The following SEMA5A variants were observed in gnomAD, a reference collection of about 807,000 sequenced individuals.
SEMA5A encodes the protein semaphorin 5A, also known as semaphorin-5A.
A neutral mutation model predicts 135.5 loss-of-function variants in SEMA5A; 55 were observed. The observed-to-expected ratio is 0.41, with a 90% confidence interval of 0.33 to 0.51. The LOEUF (loss-of-function observed/expected upper bound fraction) is 0.51, where lower values mean the gene tolerates loss of function less well. Among genes scored for constraint, SEMA5A ranks in the 20% least tolerant of loss-of-function variants. The pLI is 0.37. For missense variants in SEMA5A, 1,290 were observed against 1,419.9 expected (o/e 0.91, Z 1.47); for synonymous variants, 580 against 546.5 (o/e 1.06, Z -0.85).
chr5:9,358,719 TAA>T (rs898810694), intron 3 of SEMA5A, among the ~76,000 whole-genome samples: 1 of 152,194 alleles, frequency 6.6e-6, no homozygotes, highest in Non-Finnish European at 1.5e-5. Context: ...TGAATGAACA[TAA>T]GTCATTCAGT....
chr5:9,216,431 C>T (rs950224727), intron 8 of SEMA5A, among the ~76,000 whole-genome samples: 1 of 151,976 alleles, frequency 6.6e-6, no homozygotes, highest in Admixed American at 6.6e-5. Flanking sequence ...AAAGTATGTA[C>T]CATGTGACAA....
chr5:9,532,421 A>G (rs1009078714), intron 1 of SEMA5A, among the ~76,000 whole-genome samples: 7 of 149,330 alleles, frequency 4.7e-5, no homozygotes, highest in African/African-American at 1.7e-4. Flanking sequence ...GCCTGCCACC[A>G]TGCCCAGTTA....
At chr5:9,289,975 A>C (rs1260072338) in intron 5 of SEMA5A, among the ~76,000 whole-genome samples, 1 of 152,218 alleles carries the variant, frequency 6.6e-6, no homozygotes, top group Non-Finnish European at 1.5e-5. Context: ...TATTATAGTG[A>C]TTGTTGAGCA....
Position 9,054,269 on chromosome 5 carries a change from C to T in SEMA5A, c.2519-12G>A, listed in dbSNP as rs768487477. ...CCACACGCCATCCACTGTGAAGAAA[C>T]ACAATGTCACAGCTCTTCTATAATC... On this transcript the variant is annotated splice_polypyrimidine_tract_variant and intron_variant, in intron 18 of 22. Transcript: ENST00000382496. 1 of 1,608,818 alleles carries T rather than the reference C, an allele frequency of 6.2e-7. No individual in the cohort carries two copies. The highest frequency in any genetic ancestry group is 1.7e-5 in the Admixed American group (1 of 59,334).
intron 5 of SEMA5A, among the ~76,000 whole-genome samples, chr5:9,307,828 C>T (rs992476437): frequency 6.6e-6 from 1 of 152,130 alleles, no homozygotes; most frequent in Admixed American, 6.6e-5. Context: ...TTGTGATTGT[C>T]AGACAGTGTT....
chr5:9,240,845 T>A (rs988712354), intron 5 of SEMA5A, among the ~76,000 whole-genome samples: 1 of 152,162 alleles, frequency 6.6e-6, no homozygotes, highest in African/African-American at 2.4e-5. Context: ...ATTCAAAAGA[T>A]GTTTTTCCAC....
intron 11 of SEMA5A, among the ~76,000 whole-genome samples, 154 bp downstream of exon 11, chr5:9,190,113 T>C (rs1745016187): frequency 6.6e-6 from 1 of 152,190 alleles, no homozygotes; most frequent in Non-Finnish European, 1.5e-5. Context: ...GGACAGAGGC[T>C]GAGGAAGATA....
chr5:9,323,377 C>A (rs371044242), intron 4 of SEMA5A, among the ~76,000 whole-genome samples: 3 of 151,982 alleles, frequency 2.0e-5, no homozygotes, highest in Admixed American at 2.0e-4. Flanking sequence ...TCAAAATAAT[C>A]TTAAAAGAAA....
intron 1 of SEMA5A, among the ~76,000 whole-genome samples, chr5:9,455,446 C>T (rs563646174): frequency 6.6e-5 from 10 of 151,886 alleles, no homozygotes; most frequent in Middle Eastern, 3.4e-3. Flanking sequence ...TTAGTAGAGA[C>T]GGGGTTTCAC....
chr5:9,406,832 G>A (rs923832062), intron 2 of SEMA5A, among the ~76,000 whole-genome samples: 1 of 152,210 alleles, frequency 6.6e-6, no homozygotes, highest in East Asian at 1.9e-4. Flanking sequence ...TAGGTGTCCT[G>A]TAGTAGATAG....
chr5:9,505,717 A>G (rs965871981), intron 1 of SEMA5A, among the ~76,000 whole-genome samples: 3 of 152,222 alleles, frequency 2.0e-5, no homozygotes, highest in African/African-American at 7.2e-5. Flanking sequence ...AGCTTTTCCC[A>G]AGAGGAAGGC....
intron 5 of SEMA5A, 75 bp from the exon 6 acceptor site, chr5:9,237,965 G>A: frequency 2.2e-6 from 3 of 1,377,468 alleles, no homozygotes; most frequent in South Asian, 2.4e-5. Context: ...AGGTAACAAG[G>A]CACTGGTAAC....
intron 5 of SEMA5A, among the ~76,000 whole-genome samples, chr5:9,281,152 C>T (rs1579273186): frequency 6.6e-6 from 1 of 152,106 alleles, no homozygotes; most frequent in Non-Finnish European, 1.5e-5. Context: ...GGAAAATACA[C>T]AAAAATGATA....
chr5:9,182,537 G>C (rs1579558641), intron 11 of SEMA5A, among the ~76,000 whole-genome samples: 1 of 151,948 alleles, frequency 6.6e-6, no homozygotes, highest in South Asian at 2.1e-4. Flanking sequence ...ATGTCTATTT[G>C]AATAAAAATA....
At chr5:9,352,766 C>T (rs1299741251) in intron 3 of SEMA5A, among the ~76,000 whole-genome samples, 1 of 152,122 alleles carries the variant, frequency 6.6e-6, no homozygotes, top group African/African-American at 2.4e-5. Flanking sequence ...CAATCTATCC[C>T]ATCACCTGTT....
chr5:9,508,894 G>C (rs1294825104), intron 1 of SEMA5A, among the ~76,000 whole-genome samples: 1 of 152,096 alleles, frequency 6.6e-6, no homozygotes, highest in Non-Finnish European at 1.5e-5. Flanking sequence ...AACATAGGAT[G>C]AAGAAAAAGT....
At position 9,347,549 on chromosome 5, in the gene SEMA5A, T is replaced by C. The variant is rs10075596; in HGVS notation, c.125-9737A>G. Among the ~76,000 whole-genome samples, 742 of 152,190 alleles carry C rather than the reference T, an allele frequency of 4.9e-3. 6 individuals are homozygous for C. The highest frequency in any genetic ancestry group is 0.017 in the African/African-American group (711 of 41,488). On this transcript the variant is annotated intron_variant, in intron 3 of 22. Transcript: ENST00000382496. The stretch of plus-strand genomic sequence containing the variant: ...TACAAGCTTGTGTCACACATTTTTT[T>C]CTTTTCTTTTTTTTTTACATCCTGG...
chr5:9,050,035 C>T (rs1275075190), intron 21 of SEMA5A, among the ~76,000 whole-genome samples: 4 of 152,010 alleles, frequency 2.6e-5, no homozygotes, highest in Non-Finnish European at 5.9e-5. Context: ...TAGTGAATAC[C>T]GAGACCACTG....
chr5:9,216,636 C>T (rs1374541774), intron 8 of SEMA5A, among the ~76,000 whole-genome samples: 4 of 152,108 alleles, frequency 2.6e-5, no homozygotes, highest in African/African-American at 7.2e-5. Flanking sequence ...AATTGAAGGT[C>T]TCTAAAAACT....
Sources: gnomAD v4.1 joint callset for allele counts (sites outside exome capture counted in the v4.1 genomes callset) on GRCh38, gnomAD v4.1.1 for gene constraint, MANE v1.5 for transcripts, NCBI Gene and HGNC (gene_info 2026-07-23, HGNC 2026-07-21) for gene names.